CCDC63: variants seen among roughly 807,000 people sequenced by gnomAD.
CCDC63 encodes coiled-coil domain-containing protein 63.
In CCDC63, 54 loss-of-function variants were observed where a neutral mutation model predicts 63.6. The observed-to-expected ratio is 0.85, with a 90% confidence interval of 0.68 to 1.07. The LOEUF is 1.07. Ranked by LOEUF, CCDC63 falls within the 50% of genes least tolerant of loss-of-function variation. CCDC63 has a pLI of 0.00. For missense variants in CCDC63, 637 were observed against 689.6 expected, an observed-to-expected ratio of 0.92 and a Z score of 0.86; for synonymous variants, 253 against 266.1, an observed-to-expected ratio of 0.95 and a Z score of 0.48.
At chr12:110,869,203 C>T (rs556787660) in intron 4 of CCDC63, among the ~76,000 whole-genome samples, 6 of 152,210 alleles carry the variant, frequency 3.9e-5, no homozygotes, top group Admixed American at 3.9e-4. Context: ...TTTCACAACA[C>T]TGAGCACTTA....
rs768153711 is a variant in CCDC63, at chr12:110,907,344, G to C, written c.1560G>C (p.Leu520=). The change falls in exon 12 of 12, where the codon CTG becomes CTC. Residue 520 remains leucine, a synonymous_variant. Transcript: ENST00000308208. The surrounding 1 kb of genome is among the most constrained non-coding windows in gnomAD (Gnocchi z 4.4). The part of the protein sequence containing the change: ...SDRLDDVEQP[L]DHSSLRQLVL... ...ATCTTGGTGCAGTGGAACAGCCCCT[G>C]GACCACAGCAGCCTTCGGCAGCTGG... is the stretch of plus-strand genomic sequence containing the variant. 3 of 1,613,624 alleles carry C rather than the reference G, an allele frequency of 1.9e-6. No homozygotes were observed. Among genetic ancestry groups the C allele is most frequent in the Non-Finnish European group, 2.5e-6 (3 of 1,179,960 alleles).
intron 4 of CCDC63, among the ~76,000 whole-genome samples, chr12:110,863,707 A>C (rs560828910): frequency 8.0e-4 from 122 of 152,032 alleles, no homozygotes; most frequent in Non-Finnish European, 1.5e-3. Context: ...TGCCTGGCTA[A>C]TTTTTGTATT....
At position 110,898,967 on chromosome 12, in the gene CCDC63, T is replaced by G; in HGVS notation, c.1184T>G (p.Met395Arg). Residue 395 changes from methionine (M) to arginine (R), a missense_variant, in exon 10 of 12, where the codon ATG becomes AGG. Physicochemically the swap from Met to Arg is moderately conservative, Grantham distance 91. Transcript: ENST00000308208. ...KLRKTTEEAD[M>R]YESKYGEVSK... ...AGGAAGACCACGGAGGAGGCAGATATGTATGAGAGCAAGTACGGGGAGGTC... is the reference window on the plus strand; with the variant it reads ...AGGAAGACCACGGAGGAGGCAGATAGGTATGAGAGCAAGTACGGGGAGGTC... The G allele has an allele frequency of 6.2e-7, 1 of 1,610,798 alleles. No individual in the cohort carries two copies. The highest frequency in any genetic ancestry group is 8.5e-7 in the Non-Finnish European group (1 of 1,178,566).
chr12:110,906,022 T>G (rs569390582), intron 11 of CCDC63, among the ~76,000 whole-genome samples: 1 of 38,790 alleles, frequency 2.6e-5, no homozygotes, highest in African/African-American at 9.2e-5. Context: ...ATAATATATA[T>G]TATATATTAT....
intron 8 of CCDC63, among the ~76,000 whole-genome samples, chr12:110,886,077 G>GAAACAGCACAGCCAACAT (rs1176887192): frequency 6.6e-6 from 1 of 152,106 alleles, no homozygotes; most frequent in Non-Finnish European, 1.5e-5. Context: ...GTTGTCACAG[G>GAAACAGCACAGCCAACAT]AAACAGCACA....
In CCDC63 at chr12:110,907,394, A is replaced by G; in HGVS notation, c.1610A>G (p.Glu537Gly). ...QLVLDNYILKENRSKEVRGDS... is the reference protein window; with the variant it reads ...QLVLDNYILKGNRSKEVRGDS... ...GTTCTCGACAATTATATCCTGAAGGAGAATCGGAGTAAGGAAGTGCGCGGA... is the reference window on the plus strand; with the variant it reads ...GTTCTCGACAATTATATCCTGAAGGGGAATCGGAGTAAGGAAGTGCGCGGA... The change falls in exon 12 of 12, where the codon GAG (glutamate) becomes GGG (glycine). Residue 537 changes from glutamate (E) to glycine (G), a missense_variant. By Grantham distance (98) the Glu-to-Gly change is moderately conservative. Transcript: ENST00000308208. This position sits in a 1 kb window ranked among gnomAD's most constrained non-coding sequence, Gnocchi z 4.4. 1.2e-6 allele frequency: 2 copies of G among 1,614,132 alleles called. No homozygotes were observed. Among genetic ancestry groups the G allele is most frequent in the African/African-American group, 1.3e-5 (1 of 75,036 alleles).
At chr12:110,898,349 G>A (rs150560987) in intron 9 of CCDC63, among the ~76,000 whole-genome samples, 175 of 151,556 alleles carry the variant, frequency 1.2e-3, no homozygotes, top group Admixed American at 2.6e-3. Context: ...TAGGCTGGGC[G>A]TGGTGGCTCA....
intron 7 of CCDC63, among the ~76,000 whole-genome samples, chr12:110,883,636 CTTGT>C (rs549071860): frequency 7.7e-4 from 117 of 151,112 alleles, no homozygotes; most frequent in Middle Eastern, 6.9e-3. Flanking sequence ...TTTTTGTTTG[CTTGT>C]TTGTTTGTTT....
intron 1 of CCDC63, among the ~76,000 whole-genome samples, chr12:110,847,436 C>T (rs535325939): frequency 5.3e-5 from 8 of 150,614 alleles, no homozygotes; most frequent in Non-Finnish European, 1.0e-4. Context: ...CACCTGTAGT[C>T]CCAGCTTCTT....
chr12:110,899,246 G>A (rs2071454577), intron 10 of CCDC63, 121 bp downstream of exon 10: 5 of 810,096 alleles, frequency 6.2e-6, no homozygotes, highest in Admixed American at 3.1e-5. Flanking sequence ...GGGCACTAAA[G>A]CCAGCCTGCC....
chr12:110,853,547 G>A lies in CCDC63; in HGVS notation c.152G>A (p.Arg51Gln), dbSNP rs1029847714. The change falls in exon 3 of 12, where the codon CGA (arginine) becomes CAA (glutamine). Residue 51 changes from arginine to glutamine, a missense_variant. Coordinates refer to ENST00000308208, the MANE Select transcript of CCDC63 (RefSeq NM_152591.3). Reference sequence around the variant, plus strand: ...GAAAGCCGGAAGTCTTTTAAGTTCCGAAACCAGCAGAAGATTGCGAGTCAG... The same window carrying A: ...GAAAGCCGGAAGTCTTTTAAGTTCCAAAACCAGCAGAAGATTGCGAGTCAG... ...MVESRKSFKF[R>Q]NQQKIASQYK... 1.2e-5 allele frequency: 19 copies of A among 1,614,082 alleles called. No homozygotes were observed. The Middle Eastern group carries it at 4.9e-4, about 42-fold the overall frequency.
intron 6 of CCDC63, among the ~76,000 whole-genome samples, chr12:110,880,478 G>A (rs1168232741): frequency 6.6e-6 from 1 of 152,030 alleles, no homozygotes; most frequent in Admixed American, 6.6e-5. Flanking sequence ...GTCTCTGCTG[G>A]CTTCACACTC....
chr12:110,849,795 G>A (rs1002194674), intron 1 of CCDC63, among the ~76,000 whole-genome samples: 2 of 152,012 alleles, frequency 1.3e-5, no homozygotes, highest in Non-Finnish European at 2.9e-5. Context: ...CACTGCGCCC[G>A]GCCCAAGTTC....
At chr12:110,901,250 C>G (rs778485217) in intron 10 of CCDC63, among the ~76,000 whole-genome samples, 35 of 152,100 alleles carry the variant, frequency 2.3e-4, no homozygotes, top group Non-Finnish European at 2.4e-4. Context: ...GGGCGTCCAT[C>G]CCCTCAAGCA....
At chr12:110,905,864 G>T (rs1175366113) in intron 11 of CCDC63, among the ~76,000 whole-genome samples, 5 of 63,974 alleles carry the variant, frequency 7.8e-5, no homozygotes, top group African/African-American at 2.8e-4. Context: ...GTGTGTATGT[G>T]TATATATGTG....
chr12:110,867,118 A>AG (rs1566121673), intron 4 of CCDC63, among the ~76,000 whole-genome samples: 2 of 92,526 alleles, frequency 2.2e-5, no homozygotes, highest in Non-Finnish European at 4.4e-5. Context: ...CTGGCCGGGC[A>AG]GGGGGGCTGA....
chr12:110,904,741 T>C lies in CCDC63; in HGVS notation c.1496T>C (p.Val499Ala). The change falls in exon 11 of 12, where the codon GTC becomes GCC. Residue 499 changes from valine (V) to alanine (A), a missense_variant. By Grantham distance (64) the Val-to-Ala change is moderately conservative. Transcript: ENST00000308208. ...ALLKPPEPIK[V>A]IPPVLGADPF... ...CTCAAGCCCCCAGAACCCATCAAAG[T>C]CATCCCCCCAGTGCTGGGGGCTGAC... The C allele has an allele frequency of 6.2e-7, 1 of 1,613,834 alleles. No individual in the cohort carries two copies. Among genetic ancestry groups the C allele is most frequent in the Non-Finnish European group, 8.5e-7 (1 of 1,179,914 alleles).
intron 7 of CCDC63, among the ~76,000 whole-genome samples, chr12:110,882,658 T>C (rs1309072164): frequency 6.6e-6 from 1 of 151,536 alleles, no homozygotes; most frequent in Non-Finnish European, 1.5e-5. Flanking sequence ...ACCCTCTGCC[T>C]AGCACATACC....
chr12:110,886,973 A>G (rs1226654090), intron 8 of CCDC63, among the ~76,000 whole-genome samples: 1 of 152,156 alleles, frequency 6.6e-6, no homozygotes, highest in African/African-American at 2.4e-5. Context: ...TCTCCTGCAC[A>G]AGGACAAGTG....
Sources: allele counts gnomAD v4.1 joint callset (sites outside exome capture counted in the v4.1 genomes callset), GRCh38; gene constraint gnomAD v4.1.1; non-coding constraint Gnocchi (gnomAD v3.1); transcripts MANE v1.5; gene names NCBI Gene and HGNC (gene_info 2026-07-23, HGNC 2026-07-21).